Variants in BPTF observed in about 807,000 individuals in gnomAD.
BPTF encodes bromodomain PHD finger transcription factor, also known as nucleosome-remodeling factor subunit BPTF.
A neutral mutation model predicts 292.5 loss-of-function variants in BPTF; 18 were observed. The ratio of observed to expected loss-of-function variants is 0.06; its 90% CI spans 0.04 to 0.09. The LOEUF (loss-of-function observed/expected upper bound fraction) is 0.09, where lower values mean the gene tolerates loss of function less well. BPTF is among the 10% of genes least tolerant of loss of function. The pLI is 1.00. For missense variants in BPTF, 2,726 were observed against 3,498.7 expected, an observed-to-expected ratio of 0.78 and a Z score of 5.57; for synonymous variants, 1,225 against 1,251.9, an observed-to-expected ratio of 0.98 and a Z score of 0.45.
At chr17:67,939,867 G>A (rs1344151533) in intron 18 of BPTF, among the ~76,000 whole-genome samples, 4 of 152,188 alleles carry the variant, frequency 2.6e-5, no homozygotes, top group African/African-American at 7.2e-5. Flanking sequence ...GCGACAGAGC[G>A]AGACTCCGTC....
rs1420542734 is a variant in BPTF, at chr17:67,874,844, A to G, written c.1688A>G (p.Lys563Arg). The change falls in exon 4 of 28, where the codon AAA becomes AGA. Residue 563 changes from lysine (K) to arginine (R), a missense_variant. Physicochemically the swap from Lys to Arg is conservative, Grantham distance 26 (BLOSUM62 2). Around this residue, in one of 22 missense-constraint regions of BPTF, gnomAD observed 187 missense variants for 201.5 expected, o/e 0.93. Coordinates refer to ENST00000306378, the MANE Select transcript of BPTF (RefSeq NM_182641.4). ...GAAATTTTGGAATCCATAAGAGCCA[A>G]AAAGGGAGACATTGATAATGTTAAA... ...NEEILESIRAKKGDIDNVKSP... is the reference protein window; with the variant it reads ...NEEILESIRARKGDIDNVKSP... 3 of 1,612,724 alleles carry G rather than the reference A, an allele frequency of 1.9e-6. No individual in the cohort carries two copies. Among genetic ancestry groups the G allele is most frequent in the South Asian group, 2.2e-5 (2 of 90,724 alleles).
At chr17:67,847,766 G>A (rs1182058981) in intron 1 of BPTF, among the ~76,000 whole-genome samples, 3 of 152,214 alleles carry the variant, frequency 2.0e-5, no homozygotes, top group East Asian at 3.9e-4. Context: ...AGGGATTGGG[G>A]GCAAATGGAA....
intron 12 of BPTF, among the ~76,000 whole-genome samples, 187 bp from the exon 13 acceptor site, chr17:67,919,828 G>A (rs551474958): frequency 6.6e-6 from 1 of 152,282 alleles, no homozygotes; most frequent in Admixed American, 6.5e-5. Flanking sequence ...AATTTGCAGC[G>A]AGGAAGAAGC....
chr17:67,913,884 C>T (rs1183863902), intron 11 of BPTF, among the ~76,000 whole-genome samples: 1 of 152,126 alleles, frequency 6.6e-6, no homozygotes, highest in Non-Finnish European at 1.5e-5. Flanking sequence ...CAGTAATTTG[C>T]CTGTGGCTAC....
At chr17:67,900,026 T>G (rs543660109) in intron 7 of BPTF, among the ~76,000 whole-genome samples, 1 of 152,240 alleles carries the variant, frequency 6.6e-6, no homozygotes, top group African/African-American at 2.4e-5. Flanking sequence ...TTTTTGAAAA[T>G]TTTAATGAAG....
chr17:67,878,140 A>T (rs950866196), intron 4 of BPTF, among the ~76,000 whole-genome samples: 1 of 152,170 alleles, frequency 6.6e-6, no homozygotes, highest in African/African-American at 2.4e-5. Flanking sequence ...TACTGGAACC[A>T]TACAGTATAT....
Position 67,854,850 on chromosome 17 carries a change from T to G in BPTF, c.1436+88T>G, listed in dbSNP as rs780396205. The G allele has an allele frequency of 2.8e-4, 253 of 918,974 alleles. No individual in the cohort carries two copies. Among genetic ancestry groups the G allele is most frequent in the Middle Eastern group, 2.5e-3 (11 of 4,334 alleles). The allele number at this position is 918,974 out of a possible 1,614,324, so 56.9% of individuals were successfully genotyped here. A position where few individuals can be genotyped will look rare whatever the true frequency, so the allele number is the denominator to read the frequency against. ...TGATGTAGCAGAGCTATGCTGTTGA[T>G]GTGGTATAAACCTTTGTAACTTAAT... On this transcript the variant is annotated intron_variant, in intron 2 of 27. Transcript: ENST00000306378. The surrounding 1 kb of genome is among the most constrained non-coding windows in gnomAD (Gnocchi z 5.6).
At chr17:67,904,989 C>G (rs1458218208) in intron 9 of BPTF, 149 bp downstream of exon 9, 10 of 564,834 alleles carry the variant, frequency 1.8e-5, no homozygotes, top group Middle Eastern at 5.1e-4. Context: ...TACTAAAACC[C>G]TAAAACTTTA....
chr17:67,974,468 T>TCTA (rs1555692777), intron 26 of BPTF: 1 of 152,164 alleles, frequency 6.6e-6, no homozygotes, highest in Admixed American at 6.6e-5. Flanking sequence ...TCTGACACTA[T>TCTA]CTACCTGAAG....
chr17:67,860,579 G>T (rs60308393), intron 2 of BPTF, among the ~76,000 whole-genome samples: 3,890 of 152,276 alleles, frequency 0.026, 186 homozygotes, highest in African/African-American at 0.088. Flanking sequence ...CATTATGTAA[G>T]TGGGCCAATC....
chr17:67,891,767 C>T (rs867462110), intron 4 of BPTF, 77 bp from the exon 5 acceptor site: 71 of 1,128,980 alleles, frequency 6.3e-5, no homozygotes, highest in Admixed American at 5.4e-4. Flanking sequence ...ACACCAGATA[C>T]GAGTTTTGGT....
At chr17:67,900,376 A>C (rs749491690) in intron 7 of BPTF, among the ~76,000 whole-genome samples, 38 of 151,814 alleles carry the variant, frequency 2.5e-4, no homozygotes, top group Non-Finnish European at 4.1e-4. Flanking sequence ...AAGTGCTGGG[A>C]TTACAGGCGT....
At chr17:67,864,130 A>T (rs892082304) in intron 2 of BPTF, among the ~76,000 whole-genome samples, 16 of 152,260 alleles carry the variant, frequency 1.1e-4, no homozygotes, top group African/African-American at 3.6e-4. Flanking sequence ...AAATATACAT[A>T]CATAATGTAT....
chr17:67,832,345 TATA>T (rs2056766386), intron 1 of BPTF, among the ~76,000 whole-genome samples: 1 of 152,076 alleles, frequency 6.6e-6, no homozygotes, highest in African/African-American at 2.4e-5. Context: ...TAAATATAAT[TATA>T]ATGTTTTAAT....
At chr17:67,887,838 T>C (rs2060843256) in intron 4 of BPTF, among the ~76,000 whole-genome samples, 1 of 152,212 alleles carries the variant, frequency 6.6e-6, no homozygotes, top group South Asian at 2.1e-4. Flanking sequence ...TATTCCCATG[T>C]GGCAGGGAAG....
At chr17:67,891,598 CAG>C (rs1408088189) in intron 4 of BPTF, 2 of 314,676 alleles carry the variant, frequency 6.4e-6, no homozygotes, top group Non-Finnish European at 5.7e-6. Flanking sequence ...AGTTTTTAAA[CAG>C]ATAACCCAGC....
intron 18 of BPTF, among the ~76,000 whole-genome samples, chr17:67,937,968 G>C (rs1257004327): frequency 6.6e-6 from 1 of 152,020 alleles, no homozygotes; most frequent in Non-Finnish European, 1.5e-5. Context: ...ACAAAAAATA[G>C]CCGGGCATGG....
At chr17:67,849,407 G>C (rs2058247557) in intron 1 of BPTF, among the ~76,000 whole-genome samples, 1 of 152,164 alleles carries the variant, frequency 6.6e-6, no homozygotes, top group Non-Finnish European at 1.5e-5. Context: ...TCTCAAACAT[G>C]ATAATGCCAG....
chr17:67,868,496 C>T (rs1278683488), intron 3 of BPTF, among the ~76,000 whole-genome samples: 1 of 152,212 alleles, frequency 6.6e-6, no homozygotes, highest in East Asian at 1.9e-4. Flanking sequence ...AAGGGTTCTG[C>T]ATCCTGAGAA....
Sources: gnomAD v4.1 joint callset for allele counts (sites outside exome capture counted in the v4.1 genomes callset) on GRCh38, gnomAD v4.1.1 for gene constraint, gnomAD v4.1.1 regional missense constraint, Gnocchi (gnomAD v3.1) non-coding constraint, MANE v1.5 for transcripts, NCBI Gene and HGNC (gene_info 2026-07-23, HGNC 2026-07-21) for gene names.